CNTNAP2: variants seen among roughly 807,000 people sequenced by gnomAD.
CNTNAP2 encodes the protein contactin-associated protein-like 2.
In CNTNAP2, 98 loss-of-function variants were observed where a neutral mutation model predicts 155.2. The observed-to-expected ratio is 0.63, with a 90% CI of 0.54 to 0.75. The LOEUF (loss-of-function observed/expected upper bound fraction) is 0.75. Ranked by LOEUF, CNTNAP2 falls within the 30% of genes least tolerant of loss-of-function variation. The probability of loss-of-function intolerance (pLI) is 0.00; values close to 1 mark genes in which losing one functional copy is unlikely to be tolerated. For synonymous variants in CNTNAP2, 651 were observed against 631.2 expected (o/e 1.03, Z -0.47); for missense variants, 1,727 against 1,688.1 (o/e 1.02, Z -0.40).
intron 8 of CNTNAP2, among the ~76,000 whole-genome samples, chr7:147,160,788 A>G (rs1014436427): frequency 6.6e-6 from 1 of 152,156 alleles, no homozygotes; most frequent in African/African-American, 2.4e-5. Context: ...TAAAGATGAA[A>G]AGTAATGCCA....
intron 13 of CNTNAP2, among the ~76,000 whole-genome samples, chr7:147,793,937 T>A (rs1797856234): frequency 6.6e-6 from 1 of 151,930 alleles, no homozygotes. Context: ...GTAAATGGAA[T>A]TTTCTCTTAG....
chr7:147,522,046 C>T (rs774079433), intron 11 of CNTNAP2, among the ~76,000 whole-genome samples: 20 of 152,176 alleles, frequency 1.3e-4, no homozygotes, highest in Non-Finnish European at 2.4e-4. Context: ...TGATGAGGGT[C>T]CCCTACTTTC....
chr7:146,963,463 T>C (rs977521750), intron 3 of CNTNAP2, among the ~76,000 whole-genome samples: 4 of 152,234 alleles, frequency 2.6e-5, no homozygotes, highest in African/African-American at 9.6e-5. Context: ...TGTTTTCATA[T>C]TGTGCTTCAA....
intron 13 of CNTNAP2, among the ~76,000 whole-genome samples, chr7:147,770,220 A>G (rs1041159887): frequency 2.6e-5 from 4 of 152,228 alleles, no homozygotes; most frequent in Non-Finnish European, 5.9e-5. Flanking sequence ...CAGGTTGATT[A>G]CACGTGATCT....
chr7:148,094,309 T>G (rs1176772106), intron 15 of CNTNAP2, among the ~76,000 whole-genome samples: 1 of 152,244 alleles, frequency 6.6e-6, no homozygotes, highest in Non-Finnish European at 1.5e-5. Flanking sequence ...ATGACACATA[T>G]TAAACATAGA....
chr7:148,099,008 A>G (rs1804034844), intron 15 of CNTNAP2, among the ~76,000 whole-genome samples: 1 of 152,188 alleles, frequency 6.6e-6, no homozygotes, highest in African/African-American at 2.4e-5. Context: ...CTCATGCTCT[A>G]TTTACGAGAA....
In CNTNAP2 at chr7:146,202,788, A is replaced by G. The variant is rs146782103; in HGVS notation, c.97+85815A>G. On this transcript the variant is annotated intron_variant, in intron 1 of 23. Coordinates refer to ENST00000361727, the MANE Select transcript of CNTNAP2 (RefSeq NM_014141.6). ...CTGCATAAAAATAATGAGTTCAACT[A>G]TGATTACAGAAAATGTACATTATAG... 6.2e-4 allele frequency among the ~76,000 whole-genome samples: 94 copies of G among 152,316 alleles called. No individual in the cohort carries two copies. In the East Asian group the frequency reaches 0.017, roughly 27 times the overall value.
At chr7:147,930,420 G>C (rs1042001733) in intron 14 of CNTNAP2, among the ~76,000 whole-genome samples, 2 of 152,140 alleles carry the variant, frequency 1.3e-5, no homozygotes, top group Non-Finnish European at 2.9e-5. Context: ...AACCAAAAGA[G>C]AGCAGGAGTG....
chr7:147,076,294 T>C (rs1207219466), intron 4 of CNTNAP2, among the ~76,000 whole-genome samples: 1 of 152,180 alleles, frequency 6.6e-6, no homozygotes, highest in Non-Finnish European at 1.5e-5. Flanking sequence ...CCAGCACCGG[T>C]TGTTTCCTGA....
chr7:146,476,478 A>C (rs1175875964), intron 1 of CNTNAP2, among the ~76,000 whole-genome samples: 5 of 151,844 alleles, frequency 3.3e-5, no homozygotes, highest in African/African-American at 7.3e-5. Flanking sequence ...GATTTTTTTT[A>C]TTTCTTTTTT....
intron 16 of CNTNAP2, among the ~76,000 whole-genome samples, chr7:148,137,674 AAGGAAGGAAGG>A (rs1372419194): frequency 2.8e-5 from 1 of 35,330 alleles, no homozygotes; most frequent in Non-Finnish European, 5.9e-5. Context: ...AAAAAAAAGG[AAGGAAGGAAGG>A]AAGGAAGGAA....
At chr7:146,141,690 G>A (rs1359944030) in intron 1 of CNTNAP2, among the ~76,000 whole-genome samples, 1 of 151,896 alleles carries the variant, frequency 6.6e-6, no homozygotes, top group Non-Finnish European at 1.5e-5. Flanking sequence ...ATGTTATTGA[G>A]TTCTATTGAT....
intron 1 of CNTNAP2, among the ~76,000 whole-genome samples, chr7:146,526,197 G>A (rs902851732): frequency 6.6e-6 from 1 of 152,158 alleles, no homozygotes. Flanking sequence ...TCTTTCTAAT[G>A]TGCATATATG....
chr7:147,355,528 AATAG>A (rs1328181518), intron 9 of CNTNAP2, among the ~76,000 whole-genome samples: 9 of 152,124 alleles, frequency 5.9e-5, no homozygotes, highest in African/African-American at 1.4e-4. Context: ...AGATTAACAA[AATAG>A]ATAGACTGCT....
At chr7:146,591,634 T>C (rs1798784903) in intron 1 of CNTNAP2, among the ~76,000 whole-genome samples, 2 of 152,206 alleles carry the variant, frequency 1.3e-5, no homozygotes, top group Non-Finnish European at 2.9e-5. Flanking sequence ...ACATTCATTC[T>C]GAATGCAATG....
At chr7:146,479,548 AG>A (rs902327737) in intron 1 of CNTNAP2, among the ~76,000 whole-genome samples, 3 of 152,164 alleles carry the variant, frequency 2.0e-5, no homozygotes, top group African/African-American at 7.2e-5. Context: ...TATGCTAAAA[AG>A]CATAAAAAGA....
At chr7:147,401,593 G>C (rs1484979325) in intron 10 of CNTNAP2, among the ~76,000 whole-genome samples, 1 of 152,124 alleles carries the variant, frequency 6.6e-6, no homozygotes, top group African/African-American at 2.4e-5. Context: ...ATATGGTTTG[G>C]CTCTGTATCC....
At chr7:147,515,097 TC>T (rs1031000714) in intron 11 of CNTNAP2, among the ~76,000 whole-genome samples, 2 of 152,042 alleles carry the variant, frequency 1.3e-5, no homozygotes, top group African/African-American at 4.8e-5. Flanking sequence ...TGTGTTGCTG[TC>T]CCATGAACAC....
In CNTNAP2 at chr7:147,490,810, C is replaced by T. The variant is rs550968066; in HGVS notation, c.1777+4769C>T. Among the ~76,000 whole-genome samples the T allele has an allele frequency of 4.6e-5, 7 of 152,188 alleles. No individual in the cohort carries two copies. In the South Asian group the frequency reaches 6.2e-4, roughly 14 times the overall value. On this transcript the variant is annotated intron_variant, in intron 11 of 23. Transcript: ENST00000361727. ...GGTTTGACTCACAGTTCCATGTAGC[C>T]GGGGAGGCCTCAGGAAACTTACCAT...
Sources: gnomAD v4.1 joint callset for allele counts (sites outside exome capture counted in the v4.1 genomes callset) on GRCh38, gnomAD v4.1.1 for gene constraint, MANE v1.5 for transcripts, NCBI Gene and HGNC (gene_info 2026-07-23, HGNC 2026-07-21) for gene names.